CSMD3: variants seen among roughly 807,000 people sequenced by gnomAD.
The protein encoded by CSMD3 is CUB and Sushi multiple domains 3, also known as CUB and sushi domain-containing protein 3.
CSMD3 carries 177 observed loss-of-function variants against 435.2 expected under a neutral mutation model. That is an observed-to-expected ratio of 0.41 (90% CI 0.36 to 0.46). The LOEUF is 0.46. CSMD3 is among the 20% of genes least tolerant of loss of function. CSMD3 has a pLI of 0.34. For synonymous variants in CSMD3, 1,656 were observed against 1,520.5 expected (o/e 1.09, Z -2.07); for missense variants, 4,265 against 4,504.6 (o/e 0.95, Z 1.52).
chr8:112,899,562 T>C (rs565967486), intron 10 of CSMD3, among the ~76,000 whole-genome samples: 1 of 141,782 alleles, frequency 7.1e-6, no homozygotes, highest in African/African-American at 2.5e-5. Flanking sequence ...GGGTTAGGTA[T>C]CTATACCAAC....
chr8:113,253,013 A>G lies in CSMD3; in HGVS notation c.514+25579T>C, dbSNP rs569781021. 4.6e-5 allele frequency among the ~76,000 whole-genome samples: 7 copies of G among 152,306 alleles called. 1 individual carries two copies. The South Asian group carries it at 1.0e-3, about 23-fold the overall frequency. ...AGGACAGAATTTCTCCACTCAGTAG[A>G]ACAGAAACTCAGTTCTCAGAACCAG... On this transcript the variant is annotated intron_variant, in intron 3 of 70. Coordinates refer to ENST00000297405, the MANE Select transcript of CSMD3 (RefSeq NM_198123.2).
At chr8:112,624,949 GT>G (rs1355546471) in intron 22 of CSMD3, among the ~76,000 whole-genome samples, 4 of 151,522 alleles carry the variant, frequency 2.6e-5, no homozygotes, top group East Asian at 3.9e-4. Flanking sequence ...ATATTTATTT[GT>G]TTGTTTTTGC....
At chr8:112,954,885 T>C (rs2083956874) in intron 7 of CSMD3, 124 bp from the exon 8 acceptor site, 6 of 659,496 alleles carry the variant, frequency 9.1e-6, no homozygotes, top group East Asian at 8.3e-5. Context: ...AAGCCTGATA[T>C]AGTACCCAGA....
At chr8:112,544,638 G>A (rs1046432258) in intron 27 of CSMD3, among the ~76,000 whole-genome samples, 1 of 151,996 alleles carries the variant, frequency 6.6e-6, no homozygotes, top group African/African-American at 2.4e-5. Context: ...TGAAATTCTT[G>A]GATTTACAAA....
At chr8:113,409,987 T>G (rs1012314937) in intron 1 of CSMD3, among the ~76,000 whole-genome samples, 1 of 152,162 alleles carries the variant, frequency 6.6e-6, no homozygotes, top group Non-Finnish European at 1.5e-5. Flanking sequence ...AAAATAATTA[T>G]GCTTATTTTG....
chr8:112,570,314 C>T (rs745733612), intron 24 of CSMD3, among the ~76,000 whole-genome samples: 2 of 152,062 alleles, frequency 1.3e-5, no homozygotes, highest in East Asian at 3.9e-4. Context: ...AGGAAAATAG[C>T]GTGTTGAAGA....
chr8:113,029,805 G>A (rs1002435501), intron 5 of CSMD3, among the ~76,000 whole-genome samples: 2 of 151,336 alleles, frequency 1.3e-5, no homozygotes, highest in African/African-American at 4.8e-5. Context: ...GAAATAAAGG[G>A]CATCCAAATC....
At chr8:113,017,129 C>G (rs1307428867) in intron 6 of CSMD3, among the ~76,000 whole-genome samples, 1 of 151,886 alleles carries the variant, frequency 6.6e-6, no homozygotes, top group African/African-American at 2.4e-5. Context: ...TTTTGAGTCC[C>G]TTTTCCTGCA....
At chr8:112,242,126 C>G (rs1814230146) in intron 65 of CSMD3, among the ~76,000 whole-genome samples, 1 of 152,042 alleles carries the variant, frequency 6.6e-6, no homozygotes, top group Admixed American at 6.6e-5. Flanking sequence ...AAGCTGAGAG[C>G]TGAGAGTTGT....
chr8:112,956,368 G>T (rs2084019789), intron 7 of CSMD3, among the ~76,000 whole-genome samples: 1 of 151,930 alleles, frequency 6.6e-6, no homozygotes, highest in Admixed American at 6.6e-5. Context: ...ACTGCTCTAA[G>T]TTTAGTTTTG....
chr8:112,835,722 A>G (rs1267119260), intron 11 of CSMD3, among the ~76,000 whole-genome samples: 1 of 151,956 alleles, frequency 6.6e-6, no homozygotes, highest in Non-Finnish European at 1.5e-5. Context: ...TTCAGGGGCA[A>G]CAGTGGTTGT....
rs2130280229 is a variant in CSMD3, at chr8:112,255,413, C to G, written c.9877G>C (p.Asp3293His). The G allele has an allele frequency of 6.2e-7, 1 of 1,613,486 alleles. No individual in the cohort carries two copies. Among genetic ancestry groups the G allele is most frequent in the Non-Finnish European group, 8.5e-7 (1 of 1,179,718 alleles). The change falls in exon 62 of 71, where the codon GAC becomes CAC. Residue 3293 changes from aspartate to histidine, a missense_variant. By Grantham distance (81) the Asp-to-His change is moderately conservative. Around this residue, in one of 3 missense-constraint regions of CSMD3, gnomAD observed 3,255 missense variants for 3,380.2 expected, o/e 0.96. Transcript: ENST00000297405. ...VPQCLPKFCG[D>H]PGIPAQGKRE... ...TTTCCTTGGGCAGGTATACCAGGGT[C>G]ACCACAAAACTTTGCTGGAAATGAA...
At chr8:112,706,808 C>A (rs768480217) in intron 13 of CSMD3, among the ~76,000 whole-genome samples, 79 of 152,188 alleles carry the variant, frequency 5.2e-4, no homozygotes, top group African/African-American at 1.8e-3. Context: ...ACTTGATATA[C>A]AGTCAATTAA....
chr8:113,203,134 C>T (rs1400713416), intron 3 of CSMD3, among the ~76,000 whole-genome samples: 4 of 151,970 alleles, frequency 2.6e-5, no homozygotes, highest in Non-Finnish European at 5.9e-5. Context: ...TGAACATTCT[C>T]ATCCCCCGAA....
chr8:112,815,972 A>G (rs2079364459), intron 12 of CSMD3, among the ~76,000 whole-genome samples: 1 of 152,154 alleles, frequency 6.6e-6, no homozygotes, highest in Admixed American at 6.6e-5. Context: ...CTACATGTGA[A>G]ATCTCATCCA....
At chr8:112,451,757 C>T (rs189457858) in intron 32 of CSMD3, among the ~76,000 whole-genome samples, 5 of 152,204 alleles carry the variant, frequency 3.3e-5, no homozygotes, top group East Asian at 1.9e-4. Flanking sequence ...AGGCTGGTCT[C>T]GAACTCCTGA....
At chr8:113,212,654 C>A (rs1172553747) in intron 3 of CSMD3, among the ~76,000 whole-genome samples, 1 of 151,778 alleles carries the variant, frequency 6.6e-6, no homozygotes, top group Admixed American at 6.6e-5. Context: ...AACCAAACAC[C>A]GCATGTTCTC....
intron 59 of CSMD3, among the ~76,000 whole-genome samples, chr8:112,279,972 T>G: frequency 6.6e-6 from 1 of 152,106 alleles, no homozygotes. Flanking sequence ...TAACTACAAC[T>G]GATTTTCTCC....
intron 20 of CSMD3, among the ~76,000 whole-genome samples, chr8:112,640,795 T>C (rs1180141510): frequency 6.6e-6 from 1 of 151,964 alleles, no homozygotes; most frequent in Non-Finnish European, 1.5e-5. Context: ...AATGTAAGGG[T>C]AGAAAGTTCA....
Sources: gnomAD v4.1 joint callset for allele counts (sites outside exome capture counted in the v4.1 genomes callset) on GRCh38, gnomAD v4.1.1 for gene constraint, gnomAD v4.1.1 regional missense constraint, MANE v1.5 for transcripts, NCBI Gene and HGNC (gene_info 2026-07-23, HGNC 2026-07-21) for gene names.